TSPAN5: variants seen among roughly 807,000 people sequenced by gnomAD.
TSPAN5 encodes tetraspanin-5.
A neutral mutation model predicts 37.1 loss-of-function variants in TSPAN5; 10 were observed. The observed-to-expected ratio is 0.27, with a 90% CI of 0.17 to 0.46. The LOEUF is 0.46. Among genes scored for constraint, TSPAN5 ranks in the 20% least tolerant of loss-of-function variants. TSPAN5 has a pLI of 1.00. For missense variants in TSPAN5, 195 were observed against 326.6 expected (o/e 0.60, Z 3.11); for synonymous variants, 110 against 118.9 (o/e 0.93, Z 0.48).
chr4:98,655,495 T>G (rs1470253421), intron 1 of TSPAN5, among the ~76,000 whole-genome samples: 1 of 152,248 alleles, frequency 6.6e-6, no homozygotes, highest in Non-Finnish European at 1.5e-5. Context: ...AACCAAGCTC[T>G]CAGTGCTGGT....
chr4:98,617,951 C>T lies in TSPAN5; in HGVS notation c.81+40195G>A, dbSNP rs560933437. ...AGAAACCATCTGTTCTAGAATTCTC[C>T]CTCCTCCAACTTCACTTCACAACAG... is the stretch of plus-strand genomic sequence containing the variant. On this transcript the variant is annotated intron_variant, in intron 1 of 7. Transcript: ENST00000305798. 3.8e-4 allele frequency among the ~76,000 whole-genome samples: 58 copies of T among 152,336 alleles called. 1 individual carries two copies. The highest frequency in any genetic ancestry group is 3.4e-3 in the Admixed American group (52 of 15,304).
chr4:98,628,035 T>C (rs967532624), intron 1 of TSPAN5, among the ~76,000 whole-genome samples: 1 of 152,170 alleles, frequency 6.6e-6, no homozygotes, highest in African/African-American at 2.4e-5. Context: ...CAAATTCCAT[T>C]ACAACAAACA....
Position 98,495,456 on chromosome 4 carries a change from C to T in TSPAN5, c.133-8572G>A, listed in dbSNP as rs143100629. Reference sequence around the variant, plus strand: ...AGGAGAATGGCATGAACCCGGGAGGCGGACCTTGCCCACGCCAGTGAGCTG... The same window carrying T: ...AGGAGAATGGCATGAACCCGGGAGGTGGACCTTGCCCACGCCAGTGAGCTG... On this transcript the variant is annotated intron_variant, in intron 2 of 7. Coordinates refer to ENST00000305798, the MANE Select transcript of TSPAN5 (RefSeq NM_005723.4). 8.5e-4 allele frequency among the ~76,000 whole-genome samples: 127 copies of T among 149,756 alleles called. 1 individual carries two copies. In the East Asian group the frequency reaches 0.023, roughly 28 times the overall value.
At chr4:98,530,902 C>T (rs78670293) in intron 1 of TSPAN5, among the ~76,000 whole-genome samples, 2,710 of 152,074 alleles carry the variant, frequency 0.018, 29 homozygotes, top group Non-Finnish European at 0.027. Flanking sequence ...CCACCATACC[C>T]GGCTAAATGT....
chr4:98,549,435 T>C (rs967265619), intron 1 of TSPAN5, among the ~76,000 whole-genome samples: 1 of 152,038 alleles, frequency 6.6e-6, no homozygotes, highest in African/African-American at 2.4e-5. Context: ...CCTGAGTAAC[T>C]GGGACTACAG....
At chr4:98,634,100 G>T (rs1174076024) in intron 1 of TSPAN5, among the ~76,000 whole-genome samples, 1 of 150,434 alleles carries the variant, frequency 6.6e-6, no homozygotes, top group Non-Finnish European at 1.5e-5. Context: ...GGAAAGAAAA[G>T]AAAAAAAAAG....
At chr4:98,651,765 T>C (rs1013164721) in intron 1 of TSPAN5, among the ~76,000 whole-genome samples, 1 of 151,794 alleles carries the variant, frequency 6.6e-6, no homozygotes, top group South Asian at 2.1e-4. Flanking sequence ...CTTAGAAAGG[T>C]AGGCACGATA....
chr4:98,653,256 C>T (rs566468277), intron 1 of TSPAN5, among the ~76,000 whole-genome samples: 1 of 152,016 alleles, frequency 6.6e-6, no homozygotes, highest in African/African-American at 2.4e-5. Context: ...TGATGCCCCC[C>T]CTCCCCCACC....
intron 1 of TSPAN5, among the ~76,000 whole-genome samples, chr4:98,650,290 TACAAAAACGTAGGAAG>T (rs2110289964): frequency 6.6e-6 from 1 of 152,212 alleles, no homozygotes; most frequent in African/African-American, 2.4e-5. Context: ...TTCCTACGTT[TACAAAAACGTAGGAAG>T]AGGGATGCTG....
At chr4:98,489,678 C>T (rs1487307605) in intron 2 of TSPAN5, among the ~76,000 whole-genome samples, 2 of 152,122 alleles carry the variant, frequency 1.3e-5, no homozygotes, top group Non-Finnish European at 2.9e-5. Flanking sequence ...AGCGAGGTGC[C>T]CACTGCCACT....
intron 1 of TSPAN5, among the ~76,000 whole-genome samples, chr4:98,546,633 G>T (rs183430295): frequency 4.7e-4 from 71 of 152,270 alleles, no homozygotes; most frequent in African/African-American, 1.6e-3. Context: ...ATGTAGAGCA[G>T]AAAGTTGTGT....
chr4:98,577,117 A>G (rs1348025147), intron 1 of TSPAN5, among the ~76,000 whole-genome samples: 1 of 152,154 alleles, frequency 6.6e-6, no homozygotes, highest in African/African-American at 2.4e-5. Flanking sequence ...ATAGAAAATA[A>G]CTGTTTTATA....
At chr4:98,537,288 A>G (rs1754258265) in intron 1 of TSPAN5, among the ~76,000 whole-genome samples, 1 of 151,924 alleles carries the variant, frequency 6.6e-6, no homozygotes, top group African/African-American at 2.4e-5. Context: ...GTGACGCCCC[A>G]CCCTGCTTCG....
At chr4:98,525,742 G>T (rs1753946922) in intron 1 of TSPAN5, among the ~76,000 whole-genome samples, 1 of 152,040 alleles carries the variant, frequency 6.6e-6, no homozygotes, top group Admixed American at 6.5e-5. Context: ...TACTTAGTTT[G>T]CTGATGTTTT....
chr4:98,579,775 C>T (rs925376915), intron 1 of TSPAN5, among the ~76,000 whole-genome samples: 5 of 152,164 alleles, frequency 3.3e-5, no homozygotes, highest in Non-Finnish European at 7.3e-5. Context: ...AAGGCGAAAG[C>T]TCCTGACTCC....
intron 7 of TSPAN5, among the ~76,000 whole-genome samples, chr4:98,474,472 C>T (rs1197117931): frequency 6.6e-6 from 1 of 152,036 alleles, no homozygotes; most frequent in East Asian, 1.9e-4. Context: ...CTCAGCCCCC[C>T]AAGTAGCTGG....
intron 1 of TSPAN5, among the ~76,000 whole-genome samples, chr4:98,589,397 G>A (rs1156486312): frequency 6.6e-6 from 1 of 152,182 alleles, no homozygotes; most frequent in East Asian, 1.9e-4. Context: ...GCCTGACTTA[G>A]AGAAGAGGCC....
intron 1 of TSPAN5, among the ~76,000 whole-genome samples, chr4:98,613,784 G>C (rs1282533654): frequency 6.6e-6 from 1 of 152,054 alleles, no homozygotes; most frequent in Admixed American, 6.6e-5. Context: ...TGAGGGTGGG[G>C]AATAGAGATG....
chr4:98,602,980 A>G (rs1176279321), intron 1 of TSPAN5, among the ~76,000 whole-genome samples: 1 of 152,202 alleles, frequency 6.6e-6, no homozygotes, highest in Non-Finnish European at 1.5e-5. Flanking sequence ...GGAAAATTTT[A>G]CTTTACCACT....
Sources: gnomAD v4.1 joint callset for allele counts (sites outside exome capture counted in the v4.1 genomes callset) on GRCh38, gnomAD v4.1.1 for gene constraint, MANE v1.5 for transcripts, NCBI Gene and HGNC (gene_info 2026-07-23, HGNC 2026-07-21) for gene names.